The following TAFA2 variants were observed in gnomAD, a reference collection of about 807,000 sequenced individuals.
The protein encoded by TAFA2 is chemokine-like protein TAFA-2.
In TAFA2, 7 loss-of-function variants were observed where a neutral mutation model predicts 18.8. The observed-to-expected ratio is 0.37, with a 90% CI of 0.21 to 0.70. The LOEUF (loss-of-function observed/expected upper bound fraction) is 0.70. Among genes scored for constraint, TAFA2 ranks in the 30% least tolerant of loss-of-function variants. The pLI, the probability that TAFA2 is intolerant of heterozygous loss-of-function variation, is 0.53. For synonymous variants in TAFA2, 60 were observed against 54.2 expected (o/e 1.11, Z -0.47); for missense variants, 122 against 158.1 (o/e 0.77, Z 1.23).
chr12:61,969,108 T>G (rs1483136021), intron 1 of TAFA2, among the ~76,000 whole-genome samples: 1 of 151,752 alleles, frequency 6.6e-6, no homozygotes, highest in Non-Finnish European at 1.5e-5. Context: ...TGTAAGTTCT[T>G]CAAGTCAGAA....
At chr12:61,798,630 G>A (rs1251605382) in intron 2 of TAFA2, among the ~76,000 whole-genome samples, 2 of 152,084 alleles carry the variant, frequency 1.3e-5, no homozygotes, top group African/African-American at 4.8e-5. Flanking sequence ...CTTGGTTTCT[G>A]TGGTTCATTT....
chr12:62,175,520 T>C (rs1207152320), intron 1 of TAFA2, among the ~76,000 whole-genome samples: 2 of 152,188 alleles, frequency 1.3e-5, no homozygotes, highest in Non-Finnish European at 2.9e-5. Flanking sequence ...TTCACATTTC[T>C]CTTTTTTTTG....
chr12:62,010,347 A>G (rs959393175), intron 1 of TAFA2, among the ~76,000 whole-genome samples: 1 of 152,044 alleles, frequency 6.6e-6, no homozygotes, highest in African/African-American at 2.4e-5. Flanking sequence ...TGGAGGAGAC[A>G]GGGTTTTGCC....
intron 1 of TAFA2, among the ~76,000 whole-genome samples, chr12:62,130,227 C>T (rs1293440541): frequency 1.3e-5 from 2 of 151,972 alleles, no homozygotes; most frequent in African/African-American, 4.8e-5. Flanking sequence ...TAATGTCCCC[C>T]TTAGCATTTT....
intron 4 of TAFA2, among the ~76,000 whole-genome samples, chr12:61,715,247 G>C (rs1869597574): frequency 6.6e-6 from 1 of 152,112 alleles, no homozygotes; most frequent in Non-Finnish European, 1.5e-5. Flanking sequence ...TCATAATCTT[G>C]TTATGTTAAT....
intron 1 of TAFA2, among the ~76,000 whole-genome samples, chr12:61,994,158 C>G (rs1231226038): frequency 1.3e-5 from 2 of 152,156 alleles, no homozygotes; most frequent in South Asian, 2.1e-4. Flanking sequence ...TTTCCACCCC[C>G]CACTTTAACA....
chr12:61,976,048 G>A (rs1879422624), intron 1 of TAFA2, among the ~76,000 whole-genome samples: 1 of 151,560 alleles, frequency 6.6e-6, no homozygotes, highest in Non-Finnish European at 1.5e-5. Context: ...AATAAAGCTG[G>A]AATGAAAAAA....
At chr12:62,040,910 G>T (rs1229465621) in intron 1 of TAFA2, among the ~76,000 whole-genome samples, 1 of 152,030 alleles carries the variant, frequency 6.6e-6, no homozygotes, top group Non-Finnish European at 1.5e-5. Flanking sequence ...GACCTTTCTG[G>T]TCAAAAGAAC....
chr12:62,016,966 A>G (rs1474976915), intron 1 of TAFA2, among the ~76,000 whole-genome samples: 1 of 152,246 alleles, frequency 6.6e-6, no homozygotes, highest in African/African-American at 2.4e-5. Flanking sequence ...CAGATCAGTG[A>G]TCTAATACCA....
At chr12:62,111,816 T>C (rs940228698) in intron 1 of TAFA2, among the ~76,000 whole-genome samples, 7 of 152,188 alleles carry the variant, frequency 4.6e-5, no homozygotes, top group Admixed American at 2.0e-4. Context: ...ACCCCTACTT[T>C]TTCTTTTGCT....
At chr12:61,970,027 CAA>C (rs1215671052) in intron 1 of TAFA2, among the ~76,000 whole-genome samples, 2 of 151,616 alleles carry the variant, frequency 1.3e-5, no homozygotes, top group African/African-American at 4.8e-5. Context: ...GGCCTAGACT[CAA>C]AGCAGAAGTT....
chr12:62,252,356 T>C (rs1174875966), intron 1 of TAFA2: 1 of 152,224 alleles, frequency 6.6e-6, no homozygotes, highest in Non-Finnish European at 1.5e-5. Flanking sequence ...GCCTGATCCT[T>C]TGGCAGTAGA....
At chr12:61,782,702 G>A (rs1489137651) in intron 2 of TAFA2, among the ~76,000 whole-genome samples, 2 of 151,488 alleles carry the variant, frequency 1.3e-5, no homozygotes, top group Non-Finnish European at 3.0e-5. Context: ...TAAATTATAG[G>A]CCCCAAAAAA....
intron 1 of TAFA2, among the ~76,000 whole-genome samples, chr12:62,048,992 C>T (rs1201470109): frequency 6.6e-6 from 1 of 151,992 alleles, no homozygotes; most frequent in Non-Finnish European, 1.5e-5. Flanking sequence ...TGTTGCTAAG[C>T]TATCAGTTGA....
chr12:61,879,349 A>T (rs1424214873), intron 1 of TAFA2: 5 of 692,882 alleles, frequency 7.2e-6, no homozygotes, highest in East Asian at 3.2e-5. Context: ...AAGTCCTACA[A>T]GGTATCCACC....
At chr12:62,027,371 T>C (rs1881337096) in intron 1 of TAFA2, among the ~76,000 whole-genome samples, 1 of 151,958 alleles carries the variant, frequency 6.6e-6, no homozygotes, top group African/African-American at 2.4e-5. Context: ...GAAAGTGGAG[T>C]TGTGGAAAGA....
intron 1 of TAFA2, among the ~76,000 whole-genome samples, chr12:61,922,334 C>T (rs904909130): frequency 2.0e-5 from 3 of 150,684 alleles, no homozygotes; most frequent in African/African-American, 7.3e-5. Context: ...GGAACAGCTC[C>T]GGTCTGCAGC....
intron 1 of TAFA2, among the ~76,000 whole-genome samples, chr12:61,905,954 T>G (rs1159595795): frequency 6.6e-6 from 1 of 152,328 alleles, no homozygotes. Context: ...AAGCCTGAAC[T>G]CAGTAATCAT....
At chr12:62,060,792 A>AT (rs1882326961) in intron 1 of TAFA2, among the ~76,000 whole-genome samples, 1 of 152,228 alleles carries the variant, frequency 6.6e-6, no homozygotes, top group African/African-American at 2.4e-5. Context: ...TGTTTGTGTC[A>AT]TAGTTTTTAA....
Sources: allele counts gnomAD v4.1 joint callset (sites outside exome capture counted in the v4.1 genomes callset), GRCh38; gene constraint gnomAD v4.1.1; transcripts MANE v1.5; gene names NCBI Gene and HGNC (gene_info 2026-07-23, HGNC 2026-07-21).